The following GRID2 variants were observed in gnomAD, a reference collection of about 807,000 sequenced individuals.
GRID2 encodes the protein glutamate receptor ionotropic, delta-2.
GRID2 carries 33 observed loss-of-function variants against 114.8 expected under a neutral mutation model. The ratio of observed to expected loss-of-function variants is 0.29; its 90% CI spans 0.22 to 0.38. The LOEUF (loss-of-function observed/expected upper bound fraction) is 0.38, where lower values mean the gene tolerates loss of function less well. GRID2 is among the 10% of genes least tolerant of loss of function. The pLI is 1.00. For missense variants in GRID2, 1,184 were observed against 1,257.7 expected, an observed-to-expected ratio of 0.94 and a Z score of 0.89; for synonymous variants, 505 against 449.9, an observed-to-expected ratio of 1.12 and a Z score of -1.55.
At chr4:92,847,616 A>G (rs1743430240) in intron 2 of GRID2, among the ~76,000 whole-genome samples, 1 of 152,014 alleles carries the variant, frequency 6.6e-6, no homozygotes, top group Admixed American at 6.6e-5. Context: ...ATTTTAATAT[A>G]GCTTTATTCT....
At chr4:92,473,389 C>T (rs889244034) in intron 1 of GRID2, among the ~76,000 whole-genome samples, 4 of 151,926 alleles carry the variant, frequency 2.6e-5, no homozygotes, top group African/African-American at 9.7e-5. Flanking sequence ...TTTATTTTTT[C>T]ACTTTTTAAT....
At chr4:92,652,911 T>TTTATAAATACATATAAATATATAG (rs1732028092) in intron 2 of GRID2, among the ~76,000 whole-genome samples, 1 of 141,042 alleles carries the variant, frequency 7.1e-6, no homozygotes, top group East Asian at 2.1e-4. Context: ...TAAATATATA[T>TTTATAAATACATATAAATATATAG]TTATAAATAC....
chr4:93,590,891 T>C (rs1426178911), intron 13 of GRID2, among the ~76,000 whole-genome samples: 2 of 150,470 alleles, frequency 1.3e-5, no homozygotes, highest in Non-Finnish European at 3.0e-5. Flanking sequence ...CTTGTGATTT[T>C]TGCACATTGA....
chr4:92,918,388 G>T (rs180848317), intron 2 of GRID2, among the ~76,000 whole-genome samples: 59 of 152,252 alleles, frequency 3.9e-4, no homozygotes, highest in African/African-American at 5.3e-4. Context: ...CCAACACTAT[G>T]TTGAATAGGA....
At position 93,738,258 on chromosome 4, in the gene GRID2, G is replaced by A. The variant is rs77966428; in HGVS notation, c.2361-30952G>A. On this transcript the variant is annotated intron_variant, in intron 14 of 15. Coordinates refer to ENST00000282020, the MANE Select transcript of GRID2 (RefSeq NM_001510.4). ...GAGGTAAGATGGTACAAATTTGTTC[G>A]TCATATCAAGGACTTTATATTTTTT... Among the ~76,000 whole-genome samples the A allele has an allele frequency of 6.6e-5, 10 of 152,198 alleles. No homozygotes were observed. The East Asian group carries it at 7.7e-4, about 12-fold the overall frequency.
intron 2 of GRID2, among the ~76,000 whole-genome samples, chr4:93,060,082 G>T (rs1009809271): frequency 6.6e-6 from 1 of 151,922 alleles, no homozygotes; most frequent in Non-Finnish European, 1.5e-5. Flanking sequence ...TCAAAGCTCA[G>T]CTAGATATTT....
At chr4:92,794,905 T>TATATATATACAC (rs745392261) in intron 2 of GRID2, among the ~76,000 whole-genome samples, 16 of 127,798 alleles carry the variant, frequency 1.3e-4, no homozygotes, top group African/African-American at 4.3e-4. Flanking sequence ...TATATATATA[T>TATATATATACAC]ACACACACAC....
rs570464512 is a variant in GRID2, at chr4:93,571,499, A to G, written c.2194-54770A>G. Among the ~76,000 whole-genome samples, 71 of 152,236 alleles carry G rather than the reference A, an allele frequency of 4.7e-4. 1 individual carries two copies. Among genetic ancestry groups the G allele is most frequent in the Admixed American group, 3.5e-3 (54 of 15,264 alleles). Reference sequence around the variant, plus strand: ...GTTTCACATTAAACTGAACTTGGGCATGAATTTCAGAAAGAGTATAGAAAG... The same window carrying G: ...GTTTCACATTAAACTGAACTTGGGCGTGAATTTCAGAAAGAGTATAGAAAG... On this transcript the variant is annotated intron_variant, in intron 13 of 15. Transcript: ENST00000282020.
At chr4:93,632,398 G>A (rs1299794069) in intron 14 of GRID2, among the ~76,000 whole-genome samples, 5 of 152,190 alleles carry the variant, frequency 3.3e-5, no homozygotes, top group Non-Finnish European at 7.3e-5. Flanking sequence ...TTTGTATAAG[G>A]TGTAAGGAAG....
chr4:93,189,850 T>G (rs1399946879), intron 4 of GRID2, among the ~76,000 whole-genome samples: 1 of 134,784 alleles, frequency 7.4e-6, no homozygotes. Context: ...AACTTCAGAG[T>G]AAGATTTTTT....
rs78764392 is a variant in GRID2 at position 92,532,585 on chromosome 4, A to G, written c.89-57546A>G. Among the ~76,000 whole-genome samples the G allele has an allele frequency of 4.8e-3, 727 of 152,268 alleles. 4 individuals are homozygous for G. Among genetic ancestry groups the G allele is most frequent in the African/African-American group, 0.017 (687 of 41,570 alleles). ...ATGTTTATAATTGCCCGTGTGTAGA[A>G]TAATTTTAAAAGAAGTTTTTCCAAA... is the stretch of plus-strand genomic sequence containing the variant. On this transcript the variant is annotated intron_variant, in intron 1 of 15. Coordinates refer to ENST00000282020, the MANE Select transcript of GRID2 (RefSeq NM_001510.4).
intron 2 of GRID2, among the ~76,000 whole-genome samples, chr4:92,946,501 AATTAT>A (rs1195442513): frequency 6.6e-6 from 1 of 151,990 alleles, no homozygotes; most frequent in Non-Finnish European, 1.5e-5. Context: ...TCCCCCCCAA[AATTAT>A]ATTAATAACT....
At chr4:93,044,554 T>A (rs1391828369) in intron 2 of GRID2, among the ~76,000 whole-genome samples, 4 of 152,172 alleles carry the variant, frequency 2.6e-5, no homozygotes, top group Non-Finnish European at 4.4e-5. Flanking sequence ...ATATTAGTTT[T>A]GCATCAGTCA....
intron 13 of GRID2, among the ~76,000 whole-genome samples, chr4:93,563,425 C>A (rs1360780902): frequency 6.6e-6 from 1 of 151,802 alleles, no homozygotes; most frequent in African/African-American, 2.4e-5. Flanking sequence ...TGACTATTGT[C>A]TTTTATGAAA....
chr4:92,872,321 T>C (rs1479462228), intron 2 of GRID2, among the ~76,000 whole-genome samples: 5 of 152,252 alleles, frequency 3.3e-5, no homozygotes, highest in African/African-American at 1.2e-4. Context: ...GGCAATTAGT[T>C]AAACTGAAAA....
intron 13 of GRID2, among the ~76,000 whole-genome samples, chr4:93,551,874 T>A (rs1057234787): frequency 1.3e-5 from 2 of 152,212 alleles, no homozygotes; most frequent in African/African-American, 4.8e-5. Flanking sequence ...AATATTTAAA[T>A]GTGTTTTTTA....
chr4:93,165,041 C>A (rs554747293), intron 4 of GRID2, among the ~76,000 whole-genome samples: 46 of 152,182 alleles, frequency 3.0e-4, no homozygotes, highest in African/African-American at 1.1e-3. Flanking sequence ...GCTGCATTCT[C>A]ATCTGGAAGA....
intron 13 of GRID2, among the ~76,000 whole-genome samples, chr4:93,596,502 C>A (rs977584771): frequency 4.6e-5 from 7 of 151,852 alleles, no homozygotes; most frequent in Non-Finnish European, 1.0e-4. Flanking sequence ...GCGGTGAACT[C>A]GGGAGGCGGA....
intron 1 of GRID2, among the ~76,000 whole-genome samples, chr4:92,404,977 C>A (rs1450790253): frequency 6.6e-6 from 1 of 152,116 alleles, no homozygotes; most frequent in Non-Finnish European, 1.5e-5. Context: ...CACCATGGGA[C>A]ACACTTGCCT....
Sources: gnomAD v4.1 joint callset for allele counts (sites outside exome capture counted in the v4.1 genomes callset) on GRCh38, gnomAD v4.1.1 for gene constraint, MANE v1.5 for transcripts, NCBI Gene and HGNC (gene_info 2026-07-23, HGNC 2026-07-21) for gene names.